CLVS1: variants seen among roughly 807,000 people sequenced by gnomAD.
CLVS1 encodes clavesin-1.
Under a neutral mutation model 33.1 loss-of-function variants are expected in CLVS1, and 10 were observed. That is an observed-to-expected ratio of 0.30 (90% CI 0.19 to 0.51). CLVS1 has a LOEUF of 0.51. Among genes scored for constraint, CLVS1 ranks in the 20% least tolerant of loss-of-function variants. The probability of loss-of-function intolerance (pLI) is 0.97; values close to 1 mark genes in which losing one functional copy is unlikely to be tolerated. For missense variants in CLVS1, 343 were observed against 433.4 expected (o/e 0.79, Z 1.85); for synonymous variants, 163 against 166.1 (o/e 0.98, Z 0.14).
intron 1 of CLVS1, among the ~76,000 whole-genome samples, chr8:61,076,803 T>A (rs1372077145): frequency 6.6e-6 from 1 of 152,114 alleles, no homozygotes; most frequent in Non-Finnish European, 1.5e-5. Context: ...TTGGTTTTAA[T>A]GTGCTGCACT....
In CLVS1 at chr8:61,461,179, T is replaced by C. The variant is rs144703389; in HGVS notation, c.977+2637T>C. On this transcript the variant is annotated intron_variant, in intron 5 of 5. Transcript: ENST00000325897. ...CAAAATGATGTAAAATTGACATGAATTGATGTCCACAACTGAGGGCTTCAC... is the reference window on the plus strand; with the variant it reads ...CAAAATGATGTAAAATTGACATGAACTGATGTCCACAACTGAGGGCTTCAC... Among the ~76,000 whole-genome samples the C allele has an allele frequency of 3.3e-5, 5 of 152,348 alleles. No individual in the cohort carries two copies. In the East Asian group the frequency reaches 9.6e-4, roughly 29 times the overall value.
At chr8:61,376,503 G>C (rs2129601549) in intron 2 of CLVS1, 102 bp from the exon 3 acceptor site, 1 of 1,051,972 alleles carries the variant, frequency 9.5e-7, no homozygotes, top group East Asian at 2.4e-5. Context: ...CCTCCAGGCG[G>C]GGTTCATGGA....
At chr8:60,968,088 C>G in the CLVS1 span, among the ~76,000 whole-genome samples, 1 of 152,106 alleles carries the variant, frequency 6.6e-6, no homozygotes, top group Admixed American at 6.6e-5. Flanking sequence ...ACAGGCCTGC[C>G]CCTGGCGAAT....
chr8:60,997,797 T>C, the CLVS1 span, among the ~76,000 whole-genome samples: 10 of 152,204 alleles, frequency 6.6e-5, no homozygotes, highest in African/African-American at 2.4e-4. Flanking sequence ...AGCTCTCTCT[T>C]GAGCTGAGAA....
At chr8:61,351,927 C>T (rs968725753) in intron 2 of CLVS1, among the ~76,000 whole-genome samples, 31 of 112,692 alleles carry the variant, frequency 2.8e-4, no homozygotes, top group African/African-American at 6.9e-4. Flanking sequence ...CCTTAAAAGC[C>T]GGCAAAGAAA....
chr8:61,273,653 C>T (rs10090647), intron 2 of CLVS1, among the ~76,000 whole-genome samples: 6,130 of 152,250 alleles, frequency 0.04, 427 homozygotes, highest in African/African-American at 0.14. Flanking sequence ...ACTCCGTGGG[C>T]GTAGGACCCT....
intron 2 of CLVS1, among the ~76,000 whole-genome samples, chr8:61,225,057 C>A (rs1425015889): frequency 6.6e-6 from 1 of 151,138 alleles, no homozygotes; most frequent in Non-Finnish European, 1.5e-5. Context: ...TGGCTCATGC[C>A]TGTAATCCCA....
intron 1 of CLVS1, among the ~76,000 whole-genome samples, chr8:61,057,412 A>ACC (rs60137229): frequency 7.3e-4 from 90 of 122,594 alleles, no homozygotes; most frequent in Non-Finnish European, 1.3e-3. Flanking sequence ...ACACACACAC[A>ACC]CCCCATCCAA....
At chr8:61,061,145 G>A (rs1334350002) in intron 1 of CLVS1, among the ~76,000 whole-genome samples, 1 of 152,116 alleles carries the variant, frequency 6.6e-6, no homozygotes, top group East Asian at 1.9e-4. Context: ...CAGAACTCCA[G>A]CTTCACAGTG....
intron 2 of CLVS1, among the ~76,000 whole-genome samples, chr8:61,356,027 C>T (rs1265556919): frequency 6.6e-6 from 1 of 152,196 alleles, no homozygotes; most frequent in African/African-American, 2.4e-5. Context: ...TACAGTCCCA[C>T]CAACAGTGTA....
intron 2 of CLVS1, among the ~76,000 whole-genome samples, chr8:61,194,619 A>G (rs1176198410): frequency 6.6e-6 from 1 of 151,980 alleles, no homozygotes; most frequent in Non-Finnish European, 1.5e-5. Flanking sequence ...GGAAATTTTA[A>G]CATACATCTT....
chr8:61,209,760 T>C (rs1807933764), intron 2 of CLVS1, among the ~76,000 whole-genome samples: 1 of 152,222 alleles, frequency 6.6e-6, no homozygotes, highest in African/African-American at 2.4e-5. Flanking sequence ...GCCAATTAAA[T>C]AGATGAATTT....
At chr8:61,212,007 A>C (rs1033580982) in intron 2 of CLVS1, among the ~76,000 whole-genome samples, 1 of 152,108 alleles carries the variant, frequency 6.6e-6, no homozygotes, top group South Asian at 2.1e-4. Flanking sequence ...CTCTGGGGGG[A>C]GTATGGTTGT....
At chr8:61,045,324 G>T in the CLVS1 span, among the ~76,000 whole-genome samples, 1 of 152,148 alleles carries the variant, frequency 6.6e-6, no homozygotes, top group South Asian at 2.1e-4. Flanking sequence ...ACAAGACCTT[G>T]ACCATCTCAT....
chr8:61,216,015 T>G (rs1418910756), intron 2 of CLVS1, among the ~76,000 whole-genome samples: 3 of 152,148 alleles, frequency 2.0e-5, no homozygotes, highest in Non-Finnish European at 4.4e-5. Flanking sequence ...TAGGGCAGAT[T>G]AACCAACAGG....
chr8:61,092,924 C>T (rs929147401), intron 1 of CLVS1, among the ~76,000 whole-genome samples: 4 of 152,066 alleles, frequency 2.6e-5, no homozygotes, highest in African/African-American at 7.2e-5. Context: ...TGGGCCACGG[C>T]AGGGATTATG....
intron 3 of CLVS1, among the ~76,000 whole-genome samples, chr8:61,432,092 G>C (rs1816136183): frequency 6.6e-6 from 1 of 152,186 alleles, no homozygotes; most frequent in Admixed American, 6.5e-5. Context: ...AATGTGCAAT[G>C]CTCATCTATG....
the CLVS1 span, among the ~76,000 whole-genome samples, chr8:61,034,891 G>T: frequency 5.3e-5 from 8 of 152,106 alleles, no homozygotes; most frequent in Non-Finnish European, 1.2e-4. Context: ...CAACTTTCCC[G>T]TGTTTCCAGA....
chr8:61,351,334 G>A (rs1393552740), intron 2 of CLVS1, among the ~76,000 whole-genome samples: 1 of 151,942 alleles, frequency 6.6e-6, no homozygotes, highest in African/African-American at 2.4e-5. Context: ...TAATAGAGTG[G>A]AGACAAAAAT....
Sources: gnomAD v4.1 joint callset for allele counts (sites outside exome capture counted in the v4.1 genomes callset) on GRCh38, gnomAD v4.1.1 for gene constraint, MANE v1.5 for transcripts, NCBI Gene and HGNC (gene_info 2026-07-23, HGNC 2026-07-21) for gene names.